PDCL2: variants seen among roughly 807,000 people sequenced by gnomAD.
PDCL2 encodes phosducin like 2.
Under a neutral mutation model 30.3 loss-of-function variants are expected in PDCL2, and 23 were observed. The ratio of observed to expected loss-of-function variants is 0.76; its 90% confidence interval spans 0.55 to 1.08. PDCL2 has a LOEUF of 1.08. Among genes scored for constraint, PDCL2 ranks in the 50% least tolerant of loss-of-function variants. The pLI is 0.00. For synonymous variants in PDCL2, 68 were observed against 86.2 expected (o/e 0.79, Z 1.17); for missense variants, 243 against 282.3 (o/e 0.86, Z 1.00).
chr4:55,592,240 GA>G lies in PDCL2; in HGVS notation c.-132del. The G allele has an allele frequency of 7.4e-7, 1 of 1,353,998 alleles. No homozygotes were observed. Among genetic ancestry groups the G allele is most frequent in the Non-Finnish European group, 1.0e-6 (1 of 984,504 alleles). 83.9% of individuals were successfully genotyped at this position (1,353,998 alleles called of 1,614,324 possible). ...GCCCGGCGGTTTCGAGTGACCGCCA[GA>G]AGAGGGAGAGGCGAACAAGGACTTG... On this transcript the variant is annotated 5_prime_UTR_variant, in exon 1 of 6. Coordinates refer to ENST00000295645, the MANE Select transcript of PDCL2 (RefSeq NM_152401.3).
chr4:55,580,004 T>C (rs139092377), intron 3 of PDCL2, among the ~76,000 whole-genome samples: 1 of 151,998 alleles, frequency 6.6e-6, no homozygotes, highest in African/African-American at 2.4e-5. Flanking sequence ...AGCACCACCA[T>C]GCCTGGCTAA....
intron 3 of PDCL2, among the ~76,000 whole-genome samples, chr4:55,573,288 AT>A (rs1205355440): frequency 2.0e-5 from 3 of 152,078 alleles, no homozygotes; most frequent in Non-Finnish European, 4.4e-5. Flanking sequence ...CTGTGTATAA[AT>A]TTTTTTCATC....
chr4:55,578,903 T>C (rs1178591999), intron 3 of PDCL2, among the ~76,000 whole-genome samples: 2 of 152,244 alleles, frequency 1.3e-5, no homozygotes, highest in African/African-American at 4.8e-5. Flanking sequence ...CATCCATCAC[T>C]GGATCTTACC....
At chr4:55,573,279 T>C (rs1296150506) in intron 3 of PDCL2, among the ~76,000 whole-genome samples, 2 of 152,338 alleles carry the variant, frequency 1.3e-5, no homozygotes, top group East Asian at 1.9e-4. Context: ...TGTTTATTGC[T>C]GTGTATAAAT....
chr4:55,584,242 TTG>T (rs1553908132), intron 1 of PDCL2, among the ~76,000 whole-genome samples: 5 of 62,602 alleles, frequency 8.0e-5, no homozygotes, highest in East Asian at 6.0e-4. Flanking sequence ...TAGTTTTTTT[TTG>T]TTGTTGTTGT....
intron 3 of PDCL2, among the ~76,000 whole-genome samples, chr4:55,570,862 CTTTT>C (rs1732403719): frequency 6.6e-6 from 1 of 152,130 alleles, no homozygotes; most frequent in African/African-American, 2.4e-5. Context: ...GTATTTACTC[CTTTT>C]CTTTCTCTGT....
chr4:55,569,670 CTT>C (rs1404264054), intron 4 of PDCL2, 46 bp downstream of exon 4: 1 of 1,398,776 alleles, frequency 7.1e-7, no homozygotes, highest in East Asian at 2.5e-5. Context: ...AAAAATATGT[CTT>C]TTAAAATAGT....
At chr4:55,578,542 T>C (rs929249998) in intron 3 of PDCL2, among the ~76,000 whole-genome samples, 5 of 152,164 alleles carry the variant, frequency 3.3e-5, no homozygotes, top group African/African-American at 1.2e-4. Flanking sequence ...TAGAGATGTA[T>C]TTTTGGAGTT....
intron 1 of PDCL2, among the ~76,000 whole-genome samples, chr4:55,590,195 TCAAAAAAAAAA>T (rs1732963376): frequency 3.4e-4 from 1 of 2,970 alleles, no homozygotes; most frequent in African/African-American, 6.7e-4. Context: ...AGGCTCTGTC[TCAAAAAAAAAA>T]AAAAAAAAAA....
intron 3 of PDCL2, among the ~76,000 whole-genome samples, chr4:55,577,847 C>T (rs1374499059): frequency 1.3e-5 from 2 of 152,102 alleles, no homozygotes; most frequent in Admixed American, 1.3e-4. Context: ...CATTTTCTGT[C>T]AGTATATTTT....
intron 4 of PDCL2, among the ~76,000 whole-genome samples, chr4:55,565,980 T>G (rs944807636): frequency 2.3e-5 from 3 of 130,698 alleles, no homozygotes; most frequent in South Asian, 2.7e-4. Flanking sequence ...TCTGTTTTTT[T>G]TTTTTTTTTT....
chr4:55,573,901 G>T (rs201488900), intron 3 of PDCL2, among the ~76,000 whole-genome samples: 6 of 63,220 alleles, frequency 9.5e-5, no homozygotes, highest in Non-Finnish European at 1.3e-4. Context: ...TTTTTTGTTT[G>T]TTTTTTTTTT....
At chr4:55,567,995 G>A (rs1361719791) in intron 4 of PDCL2, among the ~76,000 whole-genome samples, 4 of 152,078 alleles carry the variant, frequency 2.6e-5, no homozygotes. Context: ...TAACTTTTAT[G>A]GGGCATTTTC....
intron 3 of PDCL2, among the ~76,000 whole-genome samples, chr4:55,578,590 G>GT (rs796948948): frequency 0.046 from 6,640 of 144,696 alleles, 432 homozygotes; most frequent in African/African-American, 0.15. Context: ...TCATCAGTGG[G>GT]TTTTTTTTTT....
chr4:55,590,020 A>G (rs916636633), intron 1 of PDCL2, among the ~76,000 whole-genome samples: 3 of 151,598 alleles, frequency 2.0e-5, no homozygotes, highest in African/African-American at 7.3e-5. Flanking sequence ...AACATGGTGA[A>G]ACCCTGTCTC....
chr4:55,562,549 A>C lies in PDCL2; in HGVS notation c.426T>G (p.Thr142=). Reference sequence around the variant, plus strand: ...TATTCACGATGGCTTTAACAAATTTAGTTTCTGGAAACTTTCTTGCTAGAA... The same window carrying C: ...TATTCACGATGGCTTTAACAAATTTCGTTTCTGGAAACTTTCTTGCTAGAA... ...LSLLARKFPE[T]KFVKAIVNSC... Residue 142 remains threonine (T), a synonymous_variant, in exon 5 of 6, where the codon ACT becomes ACG. Coordinates refer to ENST00000295645, the MANE Select transcript of PDCL2 (RefSeq NM_152401.3). 6.2e-7 allele frequency: 1 copy of C among 1,606,170 alleles called. No homozygotes were observed. Among genetic ancestry groups the C allele is most frequent in the Non-Finnish European group, 8.5e-7 (1 of 1,176,572 alleles).
chr4:55,572,289 A>G (rs1732446474), intron 3 of PDCL2, among the ~76,000 whole-genome samples: 1 of 152,160 alleles, frequency 6.6e-6, no homozygotes, highest in East Asian at 1.9e-4. Flanking sequence ...TAAATGCTTT[A>G]TCAACCCAAT....
intron 5 of PDCL2, among the ~76,000 whole-genome samples, chr4:55,557,126 C>A (rs1331767737): frequency 6.6e-6 from 1 of 152,196 alleles, no homozygotes; most frequent in Non-Finnish European, 1.5e-5. Flanking sequence ...GCGTGAGCCA[C>A]CACGCCCAGC....
chr4:55,568,870 T>C (rs367957173), intron 4 of PDCL2, among the ~76,000 whole-genome samples: 4 of 152,164 alleles, frequency 2.6e-5, no homozygotes, highest in Non-Finnish European at 5.9e-5. Context: ...ACCTTTAATT[T>C]TGATTAAATT....
Sources: allele counts gnomAD v4.1 joint callset (sites outside exome capture counted in the v4.1 genomes callset), GRCh38; gene constraint gnomAD v4.1.1; transcripts MANE v1.5; gene names NCBI Gene and HGNC (gene_info 2026-07-23, HGNC 2026-07-21).